Variants in FADS1 observed in about 807,000 individuals in gnomAD.
FADS1 encodes acyl-CoA (8-3)-desaturase.
Under a neutral mutation model 61.6 loss-of-function variants are expected in FADS1, and 17 were observed. That is an observed-to-expected ratio of 0.28 (90% CI 0.19 to 0.41). The LOEUF is 0.41. FADS1 is among the 10% of genes least tolerant of loss of function. The pLI is 1.00. For missense variants in FADS1, 387 were observed against 650.9 expected, an observed-to-expected ratio of 0.59 and a Z score of 4.41; for synonymous variants, 238 against 258.7, an observed-to-expected ratio of 0.92 and a Z score of 0.77.
At position 61,815,583 on chromosome 11, in the gene FADS1, G is replaced by A. The variant is rs1989887452; in HGVS notation, c.375+972C>T. On this transcript the variant is annotated intron_variant, in intron 1 of 11. Coordinates refer to ENST00000350997, the MANE Select transcript of FADS1 (RefSeq NM_013402.7). This position sits in a 1 kb window ranked among gnomAD's most constrained non-coding sequence, Gnocchi z 6.4. Reference sequence around the variant, plus strand: ...AGGGGACGCCATTCTGGCCGCCAAGGGGGAAACGCGGTGAAGGGAACGCCC... The same window carrying A: ...AGGGGACGCCATTCTGGCCGCCAAGAGGGAAACGCGGTGAAGGGAACGCCC... 6.5e-6 allele frequency: 1 copy of A among 152,848 alleles called. No homozygotes were observed. The highest frequency in any genetic ancestry group is 2.4e-5 in the African/African-American group (1 of 41,472). 9.5% of individuals were successfully genotyped at this position (152,848 alleles called of 1,614,324 possible). A position where few individuals can be genotyped will look rare whatever the true frequency, so the allele number is the denominator to read the frequency against.
chr11:61,816,570 G>A lies in FADS1; in HGVS notation c.360C>T (p.Ala120=), dbSNP rs749128904. 13 of 1,607,546 alleles carry A rather than the reference G, an allele frequency of 8.1e-6. No homozygotes were observed. The Admixed American group carries it at 2.2e-4, about 27-fold the overall frequency. Residue 120 remains alanine (A), a synonymous_variant, in exon 1 of 12, where the codon GCC becomes GCT. Transcript: ENST00000350997. This position sits in a 1 kb window ranked among gnomAD's most constrained non-coding sequence, Gnocchi z 7.0. ...CTGCGCTCACCGTGGCATCCTGCCC[G>A]GCGTAGTGGCTGATGACCCGGGAGC... ...PGGSRVISHY[A]GQDATDPFVA...
chr11:61,807,129 A>G (rs1289760541), intron 5 of FADS1, among the ~76,000 whole-genome samples: 1 of 152,140 alleles, frequency 6.6e-6, no homozygotes, highest in African/African-American at 2.4e-5. Flanking sequence ...GTGCAATGGC[A>G]CGATCTTGGC....
rs1367478454 is a variant in FADS1, at chr11:61,816,727, G to T, written c.203C>A (p.Ala68Glu). 4 of 1,559,614 alleles carry T rather than the reference G, an allele frequency of 2.6e-6. No individual in the cohort carries two copies. Among genetic ancestry groups the T allele is most frequent in the Non-Finnish European group, 3.5e-6 (4 of 1,152,984 alleles). ...MAPDPVAAET[A>E]AQGPTPRYFT... is the part of the protein sequence containing the mutation. ...GTAGCGCGGGGTAGGTCCCTGAGCC[G>T]CGGTCTCGGCGGCCACCGGGTCGGG... The change falls in exon 1 of 12, where the codon GCG (alanine) becomes GAG (glutamate). Residue 68 changes from alanine (A) to glutamate (E), a missense_variant. Physicochemically the swap from Ala to Glu is moderately radical, Grantham distance 107. Around this residue, in one of 2 missense-constraint regions of FADS1, gnomAD observed 130 missense variants for 117.7 expected, o/e 1.10. Transcript: ENST00000350997. The surrounding 1 kb of genome is among the most constrained non-coding windows in gnomAD (Gnocchi z 7.0).
chr11:61,801,355 T>C lies in FADS1; in HGVS notation c.*1056A>G, dbSNP rs76368178. 3.7e-3 allele frequency: 557 copies of C among 152,446 alleles called. 1 individual carries two copies. Among genetic ancestry groups the C allele is most frequent in the Non-Finnish European group, 5.1e-3 (347 of 68,026 alleles). The allele number at this position is 152,446 out of a possible 1,614,324, so 9.4% of individuals were successfully genotyped here. The stretch of plus-strand genomic sequence containing the variant: ...TTTCTAGGGAGAAAAGACTAACTTG[T>C]CCCATCTGCTCACTTGCTTATGGAG... On this transcript the variant is annotated 3_prime_UTR_variant, in exon 12 of 12. Coordinates refer to ENST00000350997, the MANE Select transcript of FADS1 (RefSeq NM_013402.7).
intron 6 of FADS1, chr11:61,805,181 G>A (rs925665850): frequency 4.3e-6 from 1 of 233,122 alleles, no homozygotes; most frequent in African/African-American, 2.2e-5. Flanking sequence ...CCACAGCCCT[G>A]TCCCTACAGT....
rs1310854326 is a variant in FADS1 at position 61,816,345 on chromosome 11, C to T, written c.375+210G>A. 6.3e-7 allele frequency: 1 copy of T among 1,598,294 alleles called. No individual in the cohort carries two copies. The highest frequency in any genetic ancestry group is 8.5e-7 in the Non-Finnish European group (1 of 1,179,788). ...TGTGCGTGTTGTTGGCCTCCATCCC[C>T]ACTCCCCAGACTCCACTTCTCCAGG... On this transcript the variant is annotated intron_variant, in intron 1 of 11. Coordinates refer to ENST00000350997, the MANE Select transcript of FADS1 (RefSeq NM_013402.7). The surrounding 1 kb of genome is among the most constrained non-coding windows in gnomAD (Gnocchi z 7.0).
At chr11:61,810,942 A>G (rs771835737) in intron 4 of FADS1, 32 bp downstream of exon 4, 10 of 1,613,850 alleles carry the variant, frequency 6.2e-6, no homozygotes, top group Admixed American at 3.3e-5. Context: ...CATTGCCTGG[A>G]GTTTTAGAGA....
In FADS1 at chr11:61,816,100, G is replaced by C. The variant is rs944283861; in HGVS notation, c.375+455C>G. The C allele has an allele frequency of 6.3e-6, 4 of 636,378 alleles. No individual in the cohort carries two copies. The highest frequency in any genetic ancestry group is 1.8e-5 in the African/African-American group (1 of 54,310). The allele number at this position is 636,378 out of a possible 1,614,324, so 39.4% of individuals were successfully genotyped here. On this transcript the variant is annotated intron_variant, in intron 1 of 11. Transcript: ENST00000350997. The surrounding 1 kb of genome is among the most constrained non-coding windows in gnomAD (Gnocchi z 7.0). ...CCGCTCCTGCTGGCGAGTGGAGACC[G>C]GCACCTAGGTCCAGACGCGGCTGCG...
Position 61,803,357 on chromosome 11 carries a change from C to T in FADS1, c.1248+6G>A. ...TGCTCCAGTCTTCTGAGTGACTGTC[C>T]CTTACCTGGGTGGAAACCCAGTCCA... is the stretch of plus-strand genomic sequence containing the variant. On this transcript the variant is annotated splice_donor_region_variant and intron_variant, in intron 9 of 11. Transcript: ENST00000350997. The surrounding 1 kb of genome is among the most constrained non-coding windows in gnomAD (Gnocchi z 4.3). 1 of 1,607,826 alleles carries T rather than the reference C, an allele frequency of 6.2e-7. No individual in the cohort carries two copies. The highest frequency in any genetic ancestry group is 8.5e-7 in the Non-Finnish European group (1 of 1,174,232).
chr11:61,802,318 A>G lies in FADS1; in HGVS notation c.*93T>C. ...TCCCCAAACCCAACCCCCTCTGAGTATTAAACTATAGTGGCATTGTCCCTC... is the reference window on the plus strand; with the variant it reads ...TCCCCAAACCCAACCCCCTCTGAGTGTTAAACTATAGTGGCATTGTCCCTC... On this transcript the variant is annotated 3_prime_UTR_variant, in exon 12 of 12. Transcript: ENST00000350997. The surrounding 1 kb of genome is among the most constrained non-coding windows in gnomAD (Gnocchi z 4.2). 1 of 1,125,672 alleles carries G rather than the reference A, an allele frequency of 8.9e-7. No individual in the cohort carries two copies. Among genetic ancestry groups the G allele is most frequent in the Non-Finnish European group, 1.3e-6 (1 of 761,264 alleles). 69.7% of individuals were successfully genotyped at this position (1,125,672 alleles called of 1,614,324 possible).
In FADS1 at chr11:61,812,481, C is replaced by A. The variant is rs762302678; in HGVS notation, c.674G>T (p.Ser225Ile). ...GCCAAAGGCTCTCACCTGAACTGCA[C>A]TGAGCAGCACCGCACAGAGGAGGAA... Reference protein sequence around the residue: ...LPFLLCAVLLSAVQAQAGWLQ... With the variant: ...LPFLLCAVLLIAVQAQAGWLQ... The change falls in exon 3 of 12, where the codon AGT (serine) becomes ATT (isoleucine). Residue 225 changes from serine to isoleucine, a missense_variant. By Grantham distance (142) the Ser-to-Ile change is moderately radical. Coordinates refer to ENST00000350997, the MANE Select transcript of FADS1 (RefSeq NM_013402.7). 1 of 1,613,948 alleles carries A rather than the reference C, an allele frequency of 6.2e-7. No homozygotes were observed. The highest frequency in any genetic ancestry group is 1.7e-5 in the Admixed American group (1 of 60,022).
In FADS1 at chr11:61,802,600, A is replaced by T. The variant is rs551194324; in HGVS notation, c.1455-138T>A. 1.6e-6 allele frequency: 2 copies of T among 1,216,808 alleles called. No individual in the cohort carries two copies. Among genetic ancestry groups the T allele is most frequent in the South Asian group, 1.3e-5 (1 of 75,018 alleles). 75.4% of individuals were successfully genotyped at this position (1,216,808 alleles called of 1,614,324 possible). On this transcript the variant is annotated intron_variant, in intron 11 of 11. Coordinates refer to ENST00000350997, the MANE Select transcript of FADS1 (RefSeq NM_013402.7). The surrounding 1 kb of genome is among the most constrained non-coding windows in gnomAD (Gnocchi z 4.2). Reference sequence around the variant, plus strand: ...ACTTTAGAGAAAGCTAGCTTGGGCCATGGTACTGAGGGGAACCCCAATGAG... The same window carrying T: ...ACTTTAGAGAAAGCTAGCTTGGGCCTTGGTACTGAGGGGAACCCCAATGAG...
intron 4 of FADS1, 45 bp downstream of exon 4, chr11:61,810,929 C>G: frequency 6.2e-7 from 1 of 1,614,138 alleles, no homozygotes. Context: ...CAAGGCAGCC[C>G]TTCATTGCCT....
Position 61,802,360 on chromosome 11 carries a change from T to C in FADS1, c.*51A>G. 1 of 1,500,082 alleles carries C rather than the reference T, an allele frequency of 6.7e-7. No homozygotes were observed. Among genetic ancestry groups the C allele is most frequent in the South Asian group, 1.2e-5 (1 of 83,006 alleles). The allele number at this position is 1,500,082 out of a possible 1,614,324, so 92.9% of individuals were successfully genotyped here. A position where few individuals can be genotyped will look rare whatever the true frequency, so the allele number is the denominator to read the frequency against. On this transcript the variant is annotated 3_prime_UTR_variant, in exon 12 of 12. Transcript: ENST00000350997. This position sits in a 1 kb window ranked among gnomAD's most constrained non-coding sequence, Gnocchi z 4.2. ...TTGTCCCTCAAGCTCCCCTCTGCCT[T>C]GGCTCCAGAGTCTTCCTCCTCTTCT...
chr11:61,804,063 T>C (rs4963273), intron 7 of FADS1: 66 of 469,186 alleles, frequency 1.4e-4, no homozygotes, highest in Middle Eastern at 5.9e-4. Context: ...CAAATGAATC[T>C]GCCAGGACCA....
Position 61,806,655 on chromosome 11 carries a change from G to T in FADS1, c.976+9C>A, listed in dbSNP as rs1433326517. The T allele has an allele frequency of 6.2e-7, 1 of 1,612,684 alleles. No homozygotes were observed. The highest frequency in any genetic ancestry group is 1.7e-5 in the Admixed American group (1 of 60,022). On this transcript the variant is annotated intron_variant, in intron 6 of 11. Transcript: ENST00000350997. ...AGGCAGCTCCCCTGTGTTGGATGGG[G>T]ACACTCACTTAGGAAGAAGTATTTG... is the stretch of plus-strand genomic sequence containing the variant.
At position 61,802,324 on chromosome 11, in the gene FADS1, C is replaced by T; in HGVS notation, c.*87G>A. On this transcript the variant is annotated 3_prime_UTR_variant, in exon 12 of 12. Transcript: ENST00000350997. This position sits in a 1 kb window ranked among gnomAD's most constrained non-coding sequence, Gnocchi z 4.2. ...AACCCAACCCCCTCTGAGTATTAAACTATAGTGGCATTGTCCCTCAAGCTC... is the reference window on the plus strand; with the variant it reads ...AACCCAACCCCCTCTGAGTATTAAATTATAGTGGCATTGTCCCTCAAGCTC... 3.4e-6 allele frequency: 4 copies of T among 1,179,196 alleles called. No individual in the cohort carries two copies. In the South Asian group the frequency reaches 3.9e-5, roughly 12 times the overall value. The allele number at this position is 1,179,196 out of a possible 1,614,324, so 73.0% of individuals were successfully genotyped here.
intron 1 of FADS1, chr11:61,814,670 A>G (rs1227424078): frequency 6.6e-6 from 1 of 152,216 alleles, no homozygotes; most frequent in Non-Finnish European, 1.5e-5. Flanking sequence ...TGGGGTGGCC[A>G]GCTTTTATTG....
At position 61,800,234 on chromosome 11, in the gene FADS1, C is replaced by T. The variant is rs1436268903; in HGVS notation, c.*2177G>A. ...TTGAGACAGGGTCTTGTTCTATCAC[C>T]CCAGGCTGGAGTGCAGTGGTGTGAT... On this transcript the variant is annotated 3_prime_UTR_variant, in exon 12 of 12. Coordinates refer to ENST00000350997, the MANE Select transcript of FADS1 (RefSeq NM_013402.7). 1 of 151,970 alleles carries T rather than the reference C, an allele frequency of 6.6e-6. No individual in the cohort carries two copies. The highest frequency in any genetic ancestry group is 1.5e-5 in the Non-Finnish European group (1 of 68,086). The allele number at this position is 151,970 out of a possible 1,614,324, so 9.4% of individuals were successfully genotyped here.
Sources: gnomAD v4.1 joint callset for allele counts (sites outside exome capture counted in the v4.1 genomes callset) on GRCh38, gnomAD v4.1.1 for gene constraint, gnomAD v4.1.1 regional missense constraint, Gnocchi (gnomAD v3.1) non-coding constraint, MANE v1.5 for transcripts, NCBI Gene and HGNC (gene_info 2026-07-23, HGNC 2026-07-21) for gene names.